ANKFY1: variants seen among roughly 807,000 people sequenced by gnomAD.
ANKFY1 encodes ankyrin repeat and FYVE domain containing 1, also known as ankyrin repeat and FYVE domain-containing protein 1.
Under a neutral mutation model 128.3 loss-of-function variants are expected in ANKFY1, and 47 were observed. The ratio of observed to expected loss-of-function variants is 0.37; its 90% confidence interval spans 0.29 to 0.47. ANKFY1 has a LOEUF of 0.47. Ranked by LOEUF, ANKFY1 falls within the 20% of genes least tolerant of loss-of-function variation. ANKFY1 has a pLI of 1.00. For synonymous variants in ANKFY1, 553 were observed against 601.6 expected, an observed-to-expected ratio of 0.92 and a Z score of 1.18; for missense variants, 1,222 against 1,510.6, an observed-to-expected ratio of 0.81 and a Z score of 3.17.
At chr17:4,241,510 G>A (rs1221064664) in intron 2 of ANKFY1, among the ~76,000 whole-genome samples, 6 of 151,510 alleles carry the variant, frequency 4.0e-5, no homozygotes, top group African/African-American at 1.2e-4. Context: ...TCCTGACCTC[G>A]TGATCTGCCC....
At position 4,170,903 on chromosome 17, in the gene ANKFY1, C is replaced by A. The variant is rs760447087; in HGVS notation, c.3140-42G>T. 1.2e-5 allele frequency: 19 copies of A among 1,612,388 alleles called. No individual in the cohort carries two copies. In the Admixed American group the frequency reaches 2.5e-4, roughly 21 times the overall value. Reference sequence around the variant, plus strand: ...CGCGCAGGGCTACTTCCCACCCGGCCCAGCCCGGCAGCCACAGACGGAGGG... The same window carrying A: ...CGCGCAGGGCTACTTCCCACCCGGCACAGCCCGGCAGCCACAGACGGAGGG... On this transcript the variant is annotated intron_variant, in intron 22 of 24. Transcript: ENST00000341657.
rs140551682 is a variant in ANKFY1, at chr17:4,222,701, G to C, written c.323-5583C>G. ...GACACGCAGCTCCAACCACTTCTACGCGTGTTTTATATTAGGGTAGGGTTT... is the reference window on the plus strand; with the variant it reads ...GACACGCAGCTCCAACCACTTCTACCCGTGTTTTATATTAGGGTAGGGTTT... On this transcript the variant is annotated intron_variant, in intron 3 of 24. Coordinates refer to ENST00000341657, the MANE Select transcript of ANKFY1 (RefSeq NM_001330063.2). 2.8e-5 allele frequency: 24 copies of C among 865,612 alleles called. 1 individual carries two copies. Among genetic ancestry groups the C allele is most frequent in the East Asian group, 1.4e-4 (6 of 41,500 alleles). The allele number at this position is 865,612 out of a possible 1,614,324, so 53.6% of individuals were successfully genotyped here.
chr17:4,179,107 G>A lies in ANKFY1; in HGVS notation c.2398-50C>T, dbSNP rs2059462450. On this transcript the variant is annotated intron_variant, in intron 17 of 24. Transcript: ENST00000341657. ...ATGTTCAATTGCAAGATAAAACTCAGGAAAAATATGAAAGGGTATAACTTT... is the reference window on the plus strand; with the variant it reads ...ATGTTCAATTGCAAGATAAAACTCAAGAAAAATATGAAAGGGTATAACTTT... The A allele has an allele frequency of 1.3e-6, 2 of 1,572,684 alleles. 1 individual carries two copies. The highest frequency in any genetic ancestry group is 2.7e-5 in the African/African-American group (2 of 73,928).
At chr17:4,168,899 C>A (rs1419921189) in intron 24 of ANKFY1, 1 of 381,572 alleles carries the variant, frequency 2.6e-6, no homozygotes, top group Non-Finnish European at 5.0e-6. Flanking sequence ...AGTAGCTCAT[C>A]TCAGCTTTGG....
chr17:4,254,792 AAGAC>A (rs1443195430), intron 1 of ANKFY1, among the ~76,000 whole-genome samples: 1 of 152,212 alleles, frequency 6.6e-6, no homozygotes, highest in Non-Finnish European at 1.5e-5. Context: ...ATTTTGCAAT[AAGAC>A]AGAAAGTGGG....
intron 7 of ANKFY1, among the ~76,000 whole-genome samples, chr17:4,198,704 A>C (rs1039302602): frequency 6.6e-6 from 1 of 152,216 alleles, no homozygotes; most frequent in Non-Finnish European, 1.5e-5. Context: ...TTATATACAC[A>C]TAACTGACTT....
At chr17:4,186,450 G>C (rs1368581374) in intron 11 of ANKFY1, 1 of 152,258 alleles carries the variant, frequency 6.6e-6, no homozygotes, top group South Asian at 2.1e-4. Context: ...TTTCCCAGCA[G>C]GAATCACTTT....
At chr17:4,218,703 C>CA (rs973591957) in intron 3 of ANKFY1, among the ~76,000 whole-genome samples, 3 of 152,088 alleles carry the variant, frequency 2.0e-5, no homozygotes, top group Non-Finnish European at 4.4e-5. Context: ...AAAATAAAAC[C>CA]AAAAAATATA....
At chr17:4,249,761 T>C (rs1967734160) in intron 1 of ANKFY1, among the ~76,000 whole-genome samples, 1 of 152,160 alleles carries the variant, frequency 6.6e-6, no homozygotes, top group Non-Finnish European at 1.5e-5. Flanking sequence ...CTCCCACCCC[T>C]AGACAAACAT....
chr17:4,244,167 G>C (rs997088470), intron 1 of ANKFY1, among the ~76,000 whole-genome samples: 1 of 152,198 alleles, frequency 6.6e-6, no homozygotes, highest in African/African-American at 2.4e-5. Flanking sequence ...CTGGCCTCAA[G>C]TGATCCACCC....
At chr17:4,263,733 C>T in intron 1 of ANKFY1, 199 bp downstream of exon 1, 1 of 1,483,720 alleles carries the variant, frequency 6.7e-7, no homozygotes, top group South Asian at 1.3e-5. Flanking sequence ...GTCGGCATCG[C>T]GGGAGGGACG....
chr17:4,228,072 C>T (rs2060454379), intron 3 of ANKFY1, among the ~76,000 whole-genome samples: 1 of 152,032 alleles, frequency 6.6e-6, no homozygotes, highest in Admixed American at 6.5e-5. Flanking sequence ...GCTAATAAAA[C>T]CCAGAAAGAA....
At chr17:4,261,602 AC>A (rs1407477216) in intron 1 of ANKFY1, among the ~76,000 whole-genome samples, 7 of 152,164 alleles carry the variant, frequency 4.6e-5, no homozygotes, top group African/African-American at 1.2e-4. Context: ...ATGGAGAGAC[AC>A]CCCACTGGCG....
intron 4 of ANKFY1, among the ~76,000 whole-genome samples, chr17:4,211,639 A>G (rs959364838): frequency 6.6e-6 from 1 of 151,868 alleles, no homozygotes; most frequent in African/African-American, 2.4e-5. Context: ...AGGCCAAGGC[A>G]GGAGGAGTAC....
In ANKFY1 at chr17:4,165,642, C is replaced by G. The variant is rs1264203416; in HGVS notation, c.*2137G>C. 6 of 152,230 alleles carry G rather than the reference C, an allele frequency of 3.9e-5. No individual in the cohort carries two copies. Among genetic ancestry groups the G allele is most frequent in the African/African-American group, 1.4e-4 (6 of 41,462 alleles). 9.4% of individuals were successfully genotyped at this position (152,230 alleles called of 1,614,324 possible). A position where few individuals can be genotyped will look rare whatever the true frequency, so the allele number is the denominator to read the frequency against. ...TGGAAAACAGGACTCAATGTTCTCC[C>G]AGTCCATAGCTGGTCAGTACCATTG... On this transcript the variant is annotated 3_prime_UTR_variant, in exon 25 of 25. Transcript: ENST00000341657.
chr17:4,230,909 T>A (rs959815175), intron 3 of ANKFY1, among the ~76,000 whole-genome samples: 10 of 152,308 alleles, frequency 6.6e-5, no homozygotes, highest in African/African-American at 2.4e-4. Context: ...AGTACAATGA[T>A]CAAAATTAGG....
intron 1 of ANKFY1, among the ~76,000 whole-genome samples, chr17:4,255,871 G>A (rs1458587312): frequency 6.6e-6 from 1 of 151,468 alleles, no homozygotes; most frequent in African/African-American, 2.4e-5. Context: ...AAGCTGGAGT[G>A]CAATGGCGCG....
intron 6 of ANKFY1, 61 bp downstream of exon 6, chr17:4,207,872 G>T: frequency 6.8e-7 from 1 of 1,477,456 alleles, no homozygotes; most frequent in South Asian, 1.4e-5. Context: ...GAAGTACCAC[G>T]GAGAAAGACA....
chr17:4,195,069 G>C lies in ANKFY1; in HGVS notation c.1281C>G (p.Pro427=), dbSNP rs530133708. The C allele has an allele frequency of 6.2e-7, 1 of 1,614,020 alleles. No individual in the cohort carries two copies. Among genetic ancestry groups the C allele is most frequent in the Admixed American group, 1.7e-5 (1 of 59,996 alleles). ...DQSVNPFEDV[P]VVNGTSFDEN... Reference sequence around the variant, plus strand: ...CATCAAATGAAGTCCCATTTACCACGGGGACATCTTCGAAGGGGTTCACAG... The same window carrying C: ...CATCAAATGAAGTCCCATTTACCACCGGGACATCTTCGAAGGGGTTCACAG... The change falls in exon 10 of 25, where the codon CCC becomes CCG. Residue 427 remains proline (P), a synonymous_variant. Coordinates refer to ENST00000341657, the MANE Select transcript of ANKFY1 (RefSeq NM_001330063.2).
Sources: allele counts gnomAD v4.1 joint callset (sites outside exome capture counted in the v4.1 genomes callset), GRCh38; gene constraint gnomAD v4.1.1; transcripts MANE v1.5; gene names NCBI Gene and HGNC (gene_info 2026-07-23, HGNC 2026-07-21).